SLC35D4: variants seen among roughly 807,000 people sequenced by gnomAD.
SLC35D4 encodes the protein solute carrier family 35 member D4.
the SLC35D4 span, among the ~76,000 whole-genome samples, chr18:23,293,198 C>T: frequency 2.0e-5 from 3 of 152,052 alleles, no homozygotes; most frequent in Admixed American, 6.5e-5. Context: ...GAGCCGAGAT[C>T]GCGCCATTGC....
the SLC35D4 span, among the ~76,000 whole-genome samples, chr18:23,264,281 G>A: frequency 5.3e-5 from 8 of 151,748 alleles, no homozygotes; most frequent in African/African-American, 1.9e-4. Flanking sequence ...CATGCCAGAA[G>A]GCAAAGCGGG....
chr18:23,260,967 G>A, the SLC35D4 span, among the ~76,000 whole-genome samples: 15 of 152,272 alleles, frequency 9.9e-5, no homozygotes, highest in African/African-American at 1.9e-4. Context: ...ACAGCCCAGC[G>A]GAAGGGACCC....
the SLC35D4 span, among the ~76,000 whole-genome samples, chr18:23,274,520 C>T: frequency 4.6e-5 from 7 of 152,190 alleles, no homozygotes; most frequent in African/African-American, 4.8e-5. Context: ...CTGAGTTTCC[C>T]GCCAGCCTAA....
At chr18:23,387,716 C>T in the SLC35D4 span, among the ~76,000 whole-genome samples, 1 of 152,132 alleles carries the variant, frequency 6.6e-6, no homozygotes, top group Admixed American at 6.5e-5. Context: ...TCTTGCCTTA[C>T]ATTTTTCTTA....
chr18:23,320,357 A>T, the SLC35D4 span, among the ~76,000 whole-genome samples: 109 of 152,264 alleles, frequency 7.2e-4, 5 homozygotes, highest in South Asian at 0.021. Flanking sequence ...TTGATTTTTT[A>T]AAAAAACAGA....
the SLC35D4 span, among the ~76,000 whole-genome samples, chr18:23,312,549 G>A: frequency 6.6e-6 from 1 of 152,168 alleles, no homozygotes; most frequent in South Asian, 2.1e-4. Context: ...AGAGAATGTA[G>A]ACTGAAGTTG....
At chr18:23,360,691 G>A in the SLC35D4 span, among the ~76,000 whole-genome samples, 582 of 152,258 alleles carry the variant, frequency 3.8e-3, 3 homozygotes, top group African/African-American at 0.014. Context: ...TTACGCAGGT[G>A]TGTAGATTTG....
chr18:23,253,989 T>G, the SLC35D4 span: 190 of 1,513,180 alleles, frequency 1.3e-4, no homozygotes, highest in Non-Finnish European at 1.6e-4. Context: ...GGTCCGGGGT[T>G]CCTCTCTCAG....
the SLC35D4 span, among the ~76,000 whole-genome samples, chr18:23,372,354 T>C: frequency 6.6e-6 from 1 of 152,174 alleles, no homozygotes; most frequent in African/African-American, 2.4e-5. Context: ...TGACACTGGA[T>C]CACAGGATAC....
At chr18:23,374,613 G>A in the SLC35D4 span, among the ~76,000 whole-genome samples, 11 of 151,648 alleles carry the variant, frequency 7.3e-5, no homozygotes, top group African/African-American at 2.4e-4. Flanking sequence ...AGCCTCCCGA[G>A]TAACTGTGAT....
chr18:23,433,476 G>C, the SLC35D4 span, among the ~76,000 whole-genome samples: 1 of 152,182 alleles, frequency 6.6e-6, no homozygotes, highest in African/African-American at 2.4e-5. Flanking sequence ...TGAGCTGAAG[G>C]CTCAATTGCT....
the SLC35D4 span, among the ~76,000 whole-genome samples, chr18:23,328,402 C>A: frequency 6.6e-6 from 1 of 152,252 alleles, no homozygotes; most frequent in South Asian, 2.1e-4. Flanking sequence ...CATTCCTATA[C>A]ACCAATAATA....
chr18:23,351,202 T>C, the SLC35D4 span, among the ~76,000 whole-genome samples: 1 of 151,130 alleles, frequency 6.6e-6, no homozygotes, highest in East Asian at 1.9e-4. Flanking sequence ...AGGTCAGGAG[T>C]TTGAGAACAG....
the SLC35D4 span, among the ~76,000 whole-genome samples, chr18:23,310,952 A>G: frequency 6.6e-6 from 1 of 152,230 alleles, no homozygotes; most frequent in African/African-American, 2.4e-5. Context: ...ATAAAGAAGT[A>G]GAAGCCCAGC....
chr18:23,418,440 C>T, the SLC35D4 span, among the ~76,000 whole-genome samples: 7 of 150,480 alleles, frequency 4.7e-5, no homozygotes, highest in African/African-American at 7.3e-5. Context: ...GGCGTGATCT[C>T]GGCTCACTGC....
chr18:23,352,840 C>T, the SLC35D4 span, among the ~76,000 whole-genome samples: 2 of 152,216 alleles, frequency 1.3e-5, no homozygotes, highest in African/African-American at 4.8e-5. Flanking sequence ...ATGGTGCCTA[C>T]ACATGTGTGT....
At chr18:23,372,709 C>G in the SLC35D4 span, among the ~76,000 whole-genome samples, 1 of 152,152 alleles carries the variant, frequency 6.6e-6, no homozygotes, top group Admixed American at 6.5e-5. Context: ...TGCTTCAGAG[C>G]CCCCTGTATC....
At chr18:23,280,319 G>T in the SLC35D4 span, among the ~76,000 whole-genome samples, 3 of 152,226 alleles carry the variant, frequency 2.0e-5, no homozygotes, top group Non-Finnish European at 4.4e-5. Context: ...GTTATTAACG[G>T]TCTCCACTGT....
chr18:23,367,410 G>A, the SLC35D4 span, among the ~76,000 whole-genome samples: 1 of 152,150 alleles, frequency 6.6e-6, no homozygotes, highest in East Asian at 1.9e-4. Flanking sequence ...GCAGAGGGTG[G>A]GGGACTGGGG....
Sources: gnomAD v4.1 joint callset for allele counts (sites outside exome capture counted in the v4.1 genomes callset) on GRCh38, gnomAD v4.1.1 for gene constraint, MANE v1.5 for transcripts, NCBI Gene and HGNC (gene_info 2026-07-23, HGNC 2026-07-21) for gene names.